ZC3HC1: variants seen among roughly 807,000 people sequenced by gnomAD.
The protein encoded by ZC3HC1 is zinc finger C3HC-type containing 1.
In ZC3HC1, 38 loss-of-function variants were observed where a neutral mutation model predicts 61.9. The observed-to-expected ratio is 0.61, with a 90% confidence interval of 0.47 to 0.81. The LOEUF (loss-of-function observed/expected upper bound fraction) is 0.81, where lower values mean the gene tolerates loss of function less well. Among genes scored for constraint, ZC3HC1 ranks in the 30% least tolerant of loss-of-function variants. The pLI, the probability that ZC3HC1 is intolerant of heterozygous loss-of-function variation, is 0.00. For synonymous variants in ZC3HC1, 213 were observed against 229.9 expected (o/e 0.93, Z 0.67); for missense variants, 554 against 622.7 (o/e 0.89, Z 1.17).
intron 2 of ZC3HC1, among the ~76,000 whole-genome samples, chr7:130,048,382 G>C (rs1324856872): frequency 6.6e-6 from 1 of 151,832 alleles, no homozygotes; most frequent in Non-Finnish European, 1.5e-5. Context: ...GTTGAGCCTT[G>C]AAATGACAGT....
At chr7:130,049,753 T>C (rs1044999500) in intron 1 of ZC3HC1, among the ~76,000 whole-genome samples, 3 of 152,020 alleles carry the variant, frequency 2.0e-5, no homozygotes, top group Admixed American at 6.6e-5. Flanking sequence ...GGTTTCACCA[T>C]GTTGGTCAGG....
At chr7:130,031,316 C>T (rs1794177896) in intron 4 of ZC3HC1, among the ~76,000 whole-genome samples, 1 of 115,446 alleles carries the variant, frequency 8.7e-6, no homozygotes, top group African/African-American at 3.0e-5. Context: ...CAGAGCAAAA[C>T]TCCATCTCAA....
chr7:130,050,604 C>T, intron 1 of ZC3HC1: 8 of 967,938 alleles, frequency 8.3e-6, no homozygotes, highest in Non-Finnish European at 1.2e-5. Flanking sequence ...GGTAAAAACA[C>T]CATAGTAGTA....
At chr7:130,046,833 G>A (rs1029960904) in intron 2 of ZC3HC1, among the ~76,000 whole-genome samples, 2 of 152,146 alleles carry the variant, frequency 1.3e-5, no homozygotes, top group African/African-American at 4.8e-5. Context: ...TGCCACCCAG[G>A]CTGCAGTGCA....
At chr7:130,043,926 T>C (rs761608934) in intron 2 of ZC3HC1, 3 of 439,378 alleles carry the variant, frequency 6.8e-6, no homozygotes, top group Non-Finnish European at 9.0e-6. Flanking sequence ...GTGTTGAATA[T>C]GGGAGGGAAA....
At position 130,031,415 on chromosome 7, in the gene ZC3HC1, G is replaced by A. The variant is rs565757261; in HGVS notation, c.494-2386C>T. Among the ~76,000 whole-genome samples the A allele has an allele frequency of 1.4e-4, 21 of 151,888 alleles. No individual in the cohort carries two copies. The South Asian group carries it at 4.4e-3, about 32-fold the overall frequency. On this transcript the variant is annotated intron_variant, in intron 4 of 9. Transcript: ENST00000358303. ...AGTCACCGGAGAGCACAGAAAAGAG[G>A]TGGAGCTCCTCCAAAGCCCCATTCC...
At chr7:130,050,668 T>A (rs1006391044) in intron 1 of ZC3HC1, among the ~76,000 whole-genome samples, 1 of 152,240 alleles carries the variant, frequency 6.6e-6, no homozygotes, top group Non-Finnish European at 1.5e-5. Context: ...CACATTATGG[T>A]GGTTGCATGT....
chr7:130,023,537 C>G lies in ZC3HC1; in HGVS notation c.1207G>C (p.Ala403Pro), dbSNP rs758653297. The G allele has an allele frequency of 8.1e-6, 13 of 1,614,068 alleles. No individual in the cohort carries two copies. The Admixed American group carries it at 1.5e-4, about 19-fold the overall frequency. The change falls in exon 8 of 10, where the codon GCT (alanine) becomes CCT (proline). Residue 403 changes from alanine (A) to proline (P), a missense_variant. By Grantham distance (27) the Ala-to-Pro change is conservative. Coordinates refer to ENST00000358303, the MANE Select transcript of ZC3HC1 (RefSeq NM_016478.5). The surrounding 1 kb of genome is among the most constrained non-coding windows in gnomAD (Gnocchi z 4.2). Reference protein sequence around the residue: ...PSSPLRKAKRARLCSSSSSDT... With the variant: ...PSSPLRKAKRPRLCSSSSSDT... ...GAACTGCTGGAGGAGCAGAGGCGAG[C>G]TCGCTTGGCTTTCCGCAGAGGGCTA... is the stretch of plus-strand genomic sequence containing the variant.
intron 4 of ZC3HC1, among the ~76,000 whole-genome samples, chr7:130,034,931 C>A (rs1794372555): frequency 6.6e-6 from 1 of 152,154 alleles, no homozygotes; most frequent in South Asian, 2.1e-4. Flanking sequence ...CTTCTCATCA[C>A]ATACATTTAA....
chr7:130,033,937 G>A (rs576104106), intron 4 of ZC3HC1, among the ~76,000 whole-genome samples: 60 of 152,184 alleles, frequency 3.9e-4, no homozygotes, highest in South Asian at 1.2e-3. Flanking sequence ...AAAGAATTGT[G>A]GGCAGAAGTG....
At chr7:130,024,577 G>A in intron 6 of ZC3HC1, 71 bp from the exon 7 acceptor site, 2 of 1,512,726 alleles carry the variant, frequency 1.3e-6, no homozygotes, top group East Asian at 4.6e-5. Flanking sequence ...AATGTCTTGT[G>A]AGTATGCCTT....
At chr7:130,049,789 A>C (rs1214441232) in intron 1 of ZC3HC1, among the ~76,000 whole-genome samples, 1 of 152,020 alleles carries the variant, frequency 6.6e-6, no homozygotes, top group Non-Finnish European at 1.5e-5. Flanking sequence ...TGACTTTGTG[A>C]TTGGCCCACC....
intron 2 of ZC3HC1, among the ~76,000 whole-genome samples, chr7:130,046,543 G>A (rs941816432): frequency 6.6e-6 from 1 of 151,050 alleles, no homozygotes; most frequent in African/African-American, 2.4e-5. Context: ...GGAGGTGGAG[G>A]TTACAGTGAG....
In ZC3HC1 at chr7:130,041,000, A is replaced by G; in HGVS notation, c.360T>C (p.Cys120=). The change falls in exon 3 of 10, where the codon TGT becomes TGC. Residue 120 remains cysteine (C), a synonymous_variant. Transcript: ENST00000358303. ...GTAAACTGGCACAGAGAAAAGCTTGACAGCTAGAGCACTTGAGCATATCAC... is the reference window on the plus strand; with the variant it reads ...GTAAACTGGCACAGAGAAAAGCTTGGCAGCTAGAGCACTTGAGCATATCAC... ...VECDMLKCSS[C]QAFLCASLQP... 1 of 1,613,936 alleles carries G rather than the reference A, an allele frequency of 6.2e-7. No homozygotes were observed. Among genetic ancestry groups the G allele is most frequent in the South Asian group, 1.1e-5 (1 of 90,996 alleles).
intron 2 of ZC3HC1, chr7:130,045,386 C>T: frequency 2.3e-6 from 1 of 433,042 alleles, no homozygotes; most frequent in Non-Finnish European, 4.7e-6. Context: ...TGTGGTACCA[C>T]ATTTCTTCCG....
At chr7:130,028,795 C>A in intron 5 of ZC3HC1, 107 bp downstream of exon 5, 13 of 1,408,790 alleles carry the variant, frequency 9.2e-6, no homozygotes, top group Non-Finnish European at 1.2e-5. Flanking sequence ...GACAGACAAG[C>A]AGTTCTCTTC....
chr7:130,032,012 T>C (rs1794218124), intron 4 of ZC3HC1, among the ~76,000 whole-genome samples: 1 of 152,038 alleles, frequency 6.6e-6, no homozygotes, highest in Non-Finnish European at 1.5e-5. Context: ...GATCACGAGG[T>C]CAGCAGTTCA....
At chr7:130,045,890 CAAAAAAAAA>C (rs59500095) in intron 2 of ZC3HC1, among the ~76,000 whole-genome samples, 1 of 38,590 alleles carries the variant, frequency 2.6e-5, no homozygotes, top group Non-Finnish European at 5.6e-5. Context: ...GACTCCATCT[CAAAAAAAAA>C]AAAAAAAAAA....
chr7:130,049,632 C>A (rs1794996276), intron 1 of ZC3HC1, among the ~76,000 whole-genome samples: 1 of 151,848 alleles, frequency 6.6e-6, no homozygotes, highest in Non-Finnish European at 1.5e-5. Flanking sequence ...GCAACCTCCA[C>A]CTCCCAGGTT....
Sources: gnomAD v4.1 joint callset for allele counts (sites outside exome capture counted in the v4.1 genomes callset) on GRCh38, gnomAD v4.1.1 for gene constraint, Gnocchi (gnomAD v3.1) non-coding constraint, MANE v1.5 for transcripts, NCBI Gene and HGNC (gene_info 2026-07-23, HGNC 2026-07-21) for gene names.